MAD1L1: variants seen among roughly 807,000 people sequenced by gnomAD.
MAD1L1 encodes the protein mitotic spindle assembly checkpoint protein MAD1.
MAD1L1 carries 95 observed loss-of-function variants against 96.9 expected under a neutral mutation model. The observed-to-expected ratio is 0.98, with a 90% CI of 0.83 to 1.16. The LOEUF (loss-of-function observed/expected upper bound fraction) is 1.16. Among genes scored for constraint, MAD1L1 ranks in the 50% most tolerant of loss-of-function variants. The pLI is 0.00. For synonymous variants in MAD1L1, 473 were observed against 396.6 expected (o/e 1.19, Z -2.29); for missense variants, 1,007 against 954.4 (o/e 1.06, Z -0.73).
At chr7:1,954,510 CAG>C (rs747975177) in intron 16 of MAD1L1, among the ~76,000 whole-genome samples, 2 of 152,120 alleles carry the variant, frequency 1.3e-5, no homozygotes, top group African/African-American at 2.4e-5. Context: ...GAGGTGGGGA[CAG>C]GGGTGGGGCA....
At chr7:1,827,436 G>A (rs1261908768) in intron 18 of MAD1L1, among the ~76,000 whole-genome samples, 2 of 133,896 alleles carry the variant, frequency 1.5e-5, no homozygotes, top group African/African-American at 5.4e-5. Context: ...AGCCCGTCGC[G>A]GGTGTGGGGT....
intron 12 of MAD1L1, among the ~76,000 whole-genome samples, chr7:2,020,613 G>A (rs1782747492): frequency 6.6e-6 from 1 of 152,240 alleles, no homozygotes; most frequent in Non-Finnish European, 1.5e-5. Context: ...GGTACCCGGA[G>A]TCTAGGGGCC....
intron 11 of MAD1L1, chr7:2,148,762 T>C (rs1412876697): frequency 4.1e-6 from 1 of 242,928 alleles, no homozygotes. Flanking sequence ...CCTGCATTCA[T>C]GCTGACGTGA....
chr7:1,976,932 C>T (rs1052665355), intron 15 of MAD1L1, among the ~76,000 whole-genome samples: 1 of 152,248 alleles, frequency 6.6e-6, no homozygotes, highest in East Asian at 1.9e-4. Context: ...AGAGCACTGA[C>T]TGGTGCGTTT....
chr7:2,229,229 G>C lies in MAD1L1; in HGVS notation c.150+755C>G, dbSNP rs113535587. Among the ~76,000 whole-genome samples the C allele has an allele frequency of 2.8e-4, 42 of 152,256 alleles. 1 individual carries two copies. Among genetic ancestry groups the C allele is most frequent in the African/African-American group, 1.0e-3 (42 of 41,552 alleles). ...GCAGGGACTGGGAAAGAGGGTCCAG[G>C]CAGAGGAGCCTAGAGGAGCCTGCGC... is the stretch of plus-strand genomic sequence containing the variant. On this transcript the variant is annotated intron_variant, in intron 3 of 18. Coordinates refer to ENST00000265854, the MANE Select transcript of MAD1L1 (RefSeq NM_001013836.2).
At position 2,229,975 on chromosome 7, in the gene MAD1L1, G is replaced by A. The variant is rs1420360716; in HGVS notation, c.150+9C>T. The A allele has an allele frequency of 2.5e-6, 4 of 1,611,984 alleles. No homozygotes were observed. In the South Asian group the frequency reaches 3.3e-5, roughly 13 times the overall value. On this transcript the variant is annotated intron_variant, in intron 3 of 18. Transcript: ENST00000265854. Reference sequence around the variant, plus strand: ...AGAGCAGACTCCCACCCAGGCACATGCCACTCACCTGCATGCTCTGCTGGT... The same window carrying A: ...AGAGCAGACTCCCACCCAGGCACATACCACTCACCTGCATGCTCTGCTGGT...
Position 2,025,848 on chromosome 7 carries a change from T to C in MAD1L1, c.1219-11206A>G, listed in dbSNP as rs59412980. Among the ~76,000 whole-genome samples, 665 of 152,272 alleles carry C rather than the reference T, an allele frequency of 4.4e-3. 4 individuals are homozygous for C. The highest frequency in any genetic ancestry group is 0.015 in the African/African-American group (605 of 41,558). Reference sequence around the variant, plus strand: ...ATAGTCTATCTTATAATCACCAACATAGCCACTAAAATTACATAAAAGCAC... The same window carrying C: ...ATAGTCTATCTTATAATCACCAACACAGCCACTAAAATTACATAAAAGCAC... On this transcript the variant is annotated intron_variant, in intron 12 of 18. Transcript: ENST00000265854.
At chr7:1,965,705 C>T (rs955839778) in intron 15 of MAD1L1, among the ~76,000 whole-genome samples, 1 of 152,278 alleles carries the variant, frequency 6.6e-6, no homozygotes, top group Non-Finnish European at 1.5e-5. Flanking sequence ...GAGCCTGAGG[C>T]AGGAGCCGTG....
At position 2,087,713 on chromosome 7, in the gene MAD1L1, A is replaced by G. The variant is rs148899575; in HGVS notation, c.1074-18375T>C. ...CAAAGGAACAGTGGTACTTGGGAAG[A>G]GACAGGATCCTCTTTGTTGTAAAAG... On this transcript the variant is annotated intron_variant, in intron 11 of 18. Coordinates refer to ENST00000265854, the MANE Select transcript of MAD1L1 (RefSeq NM_001013836.2). 5.0e-3 allele frequency among the ~76,000 whole-genome samples: 754 copies of G among 152,308 alleles called. 9 individuals carry two copies. The highest frequency in any genetic ancestry group is 0.017 in the African/African-American group (718 of 41,564).
At chr7:1,951,916 A>C (rs1201646305) in intron 16 of MAD1L1, among the ~76,000 whole-genome samples, 1 of 152,158 alleles carries the variant, frequency 6.6e-6, no homozygotes, top group Non-Finnish European at 1.5e-5. Context: ...GCCCGTATCC[A>C]TGAGTCCCTG....
At chr7:2,075,708 C>T (rs1785342507) in intron 11 of MAD1L1, among the ~76,000 whole-genome samples, 3 of 152,192 alleles carry the variant, frequency 2.0e-5, no homozygotes, top group African/African-American at 7.2e-5. Context: ...TCATCAGAAA[C>T]TCCCGGCCTA....
intron 5 of MAD1L1, among the ~76,000 whole-genome samples, chr7:2,220,043 C>T (rs1429767991): frequency 6.6e-6 from 1 of 152,212 alleles, no homozygotes; most frequent in East Asian, 1.9e-4. Flanking sequence ...TCCCTCCAAC[C>T]GTGGCTCCTG....
chr7:2,000,648 T>G (rs73043511), intron 14 of MAD1L1, among the ~76,000 whole-genome samples: 5,679 of 152,216 alleles, frequency 0.037, 204 homozygotes, highest in Admixed American at 0.1. Context: ...TGTCTTTCAC[T>G]CTCCTATGGG....
chr7:1,851,291 G>A (rs1783963631), intron 18 of MAD1L1, among the ~76,000 whole-genome samples: 1 of 152,238 alleles, frequency 6.6e-6, no homozygotes, highest in Admixed American at 6.5e-5. Context: ...GCCTCGGCCG[G>A]CACAGGGTTG....
At chr7:1,920,436 G>A (rs964234497) in intron 17 of MAD1L1, among the ~76,000 whole-genome samples, 3 of 152,230 alleles carry the variant, frequency 2.0e-5, no homozygotes. Flanking sequence ...TGTGGACCCA[G>A]CGATTCCTCA....
At chr7:1,961,443 A>G (rs546792109) in intron 15 of MAD1L1, among the ~76,000 whole-genome samples, 2 of 152,324 alleles carry the variant, frequency 1.3e-5, no homozygotes, top group South Asian at 4.1e-4. Flanking sequence ...AAACACAACC[A>G]ATTTTTGAAA....
chr7:1,881,159 G>A (rs1486585781), intron 18 of MAD1L1, among the ~76,000 whole-genome samples: 1 of 152,310 alleles, frequency 6.6e-6, no homozygotes, highest in Admixed American at 6.5e-5. Context: ...AATTACACGA[G>A]ATGAGCCAAG....
chr7:1,835,976 C>T (rs528390465), intron 18 of MAD1L1, among the ~76,000 whole-genome samples: 5 of 152,252 alleles, frequency 3.3e-5, no homozygotes, highest in Admixed American at 1.3e-4. Flanking sequence ...TATGCTAATG[C>T]ATTATAATTA....
chr7:1,958,362 T>C (rs1779815254), intron 15 of MAD1L1, among the ~76,000 whole-genome samples: 1 of 152,228 alleles, frequency 6.6e-6, no homozygotes, highest in Non-Finnish European at 1.5e-5. Context: ...TCTTCATTTC[T>C]AGATCTAATA....
Sources: gnomAD v4.1 joint callset for allele counts (sites outside exome capture counted in the v4.1 genomes callset) on GRCh38, gnomAD v4.1.1 for gene constraint, MANE v1.5 for transcripts, NCBI Gene and HGNC (gene_info 2026-07-23, HGNC 2026-07-21) for gene names.